The following BBOF1 variants were observed in gnomAD, a reference collection of about 807,000 sequenced individuals.
BBOF1 encodes basal body-orientation factor 1.
Under a neutral mutation model 68.0 loss-of-function variants are expected in BBOF1, and 62 were observed. That is an observed-to-expected ratio of 0.91 (90% confidence interval 0.74 to 1.13). BBOF1 has a LOEUF of 1.13. BBOF1 is among the 50% of genes most tolerant of loss of function. The pLI is 0.00. For synonymous variants in BBOF1, 208 were observed against 198.8 expected, an observed-to-expected ratio of 1.05 and a Z score of -0.39; for missense variants, 534 against 600.1, an observed-to-expected ratio of 0.89 and a Z score of 1.15.
At chr14:74,071,438 T>C (rs1246449149) in intron 9 of BBOF1, 5 of 1,614,060 alleles carry the variant, frequency 3.1e-6, no homozygotes, top group Non-Finnish European at 4.2e-6. Flanking sequence ...TCTTTGGTGA[T>C]GGATGGCATG....
chr14:74,026,095 T>G (rs2059417792), intron 2 of BBOF1, among the ~76,000 whole-genome samples: 1 of 145,162 alleles, frequency 6.9e-6, no homozygotes, highest in Non-Finnish European at 1.5e-5. Flanking sequence ...GAGCCAAGAT[T>G]GTGCCACTGC....
chr14:74,035,080 A>T (rs1447643809), intron 4 of BBOF1, among the ~76,000 whole-genome samples: 2 of 152,078 alleles, frequency 1.3e-5, no homozygotes, highest in African/African-American at 2.4e-5. Context: ...TGACAGTAAG[A>T]CCATGTCTCA....
chr14:74,023,434 A>G (rs1296963226), intron 2 of BBOF1, among the ~76,000 whole-genome samples: 1 of 152,184 alleles, frequency 6.6e-6, no homozygotes, highest in Admixed American at 6.6e-5. Context: ...AGAGCATGGT[A>G]TGTGATCTAT....
intron 2 of BBOF1, among the ~76,000 whole-genome samples, chr14:74,025,065 G>A (rs2059395037): frequency 1.3e-5 from 2 of 152,060 alleles, no homozygotes; most frequent in African/African-American, 4.8e-5. Flanking sequence ...ACAAAACCTG[G>A]CCAATTTTTA....
At chr14:74,045,957 G>A in intron 5 of BBOF1, 103 bp from the exon 6 acceptor site, 1 of 985,046 alleles carries the variant, frequency 1.0e-6, no homozygotes, top group Admixed American at 2.6e-5. Flanking sequence ...TCAGGTCATG[G>A]GGACAGGAGT....
chr14:74,060,575 C>G (rs1384978152), intron 11 of BBOF1: 13 of 1,158,792 alleles, frequency 1.1e-5, no homozygotes, highest in Non-Finnish European at 1.7e-5. Context: ...GCAAAGCTGA[C>G]AAATGAAGCT....
At chr14:74,075,708 A>G (rs1214415224) in intron 9 of BBOF1, among the ~76,000 whole-genome samples, 3 of 152,172 alleles carry the variant, frequency 2.0e-5, no homozygotes, top group African/African-American at 4.8e-5. Context: ...TATATAATCA[A>G]TGTAAATATA....
chr14:74,027,901 G>T (rs1425770697), intron 2 of BBOF1, among the ~76,000 whole-genome samples: 1 of 152,000 alleles, frequency 6.6e-6, no homozygotes, highest in Non-Finnish European at 1.5e-5. Flanking sequence ...CATGATCAAG[G>T]GTTGTATTGT....
intron 3 of BBOF1, among the ~76,000 whole-genome samples, chr14:74,031,341 G>A (rs1385577696): frequency 6.6e-6 from 1 of 152,022 alleles, no homozygotes; most frequent in Non-Finnish European, 1.5e-5. Context: ...TTGAACTCCT[G>A]GCCTTAAGCG....
At chr14:74,047,382 A>G (rs1388928954) in intron 6 of BBOF1, among the ~76,000 whole-genome samples, 2 of 151,746 alleles carry the variant, frequency 1.3e-5, no homozygotes, top group Non-Finnish European at 1.5e-5. Context: ...ACTGCCTTGC[A>G]CTAGAAGTAA....
intron 9 of BBOF1, chr14:74,072,104 T>C: frequency 6.4e-7 from 1 of 1,560,638 alleles, no homozygotes; most frequent in East Asian, 2.2e-5. Flanking sequence ...CGTCTCTGCA[T>C]ACTGCAGAGT....
chr14:74,077,519 G>A (rs2060625040), intron 9 of BBOF1, among the ~76,000 whole-genome samples: 1 of 152,146 alleles, frequency 6.6e-6, no homozygotes, highest in African/African-American at 2.4e-5. Flanking sequence ...GAAGATCAAA[G>A]GGGAAGCAGA....
At chr14:74,064,609 C>A in intron 11 of BBOF1, 79 bp from the exon 12 acceptor site, 1 of 1,400,462 alleles carries the variant, frequency 7.1e-7, no homozygotes, top group East Asian at 2.3e-5. Context: ...CATGCTCTTT[C>A]CTCAAAACTT....
intron 2 of BBOF1, among the ~76,000 whole-genome samples, chr14:74,025,421 A>G (rs962889515): frequency 9.9e-5 from 15 of 152,146 alleles, no homozygotes; most frequent in Non-Finnish European, 2.2e-4. Flanking sequence ...TAGTTTTGTT[A>G]CTCATTTTGC....
intron 5 of BBOF1, among the ~76,000 whole-genome samples, chr14:74,043,617 T>A (rs968401627): frequency 7.3e-6 from 1 of 137,904 alleles, no homozygotes; most frequent in Non-Finnish European, 1.5e-5. Context: ...TAGGTTGGAG[T>A]GCAGTGGCAT....
chr14:74,067,644 CAGGTGTGG>C (rs1314865777), downstream of BBOF1: 37 of 1,508,794 alleles, frequency 2.5e-5, no homozygotes, highest in Non-Finnish European at 3.3e-5. Flanking sequence ...AGCAGTGGAC[CAGGTGTGG>C]TGGCTAATGC....
At chr14:74,078,540 T>A (rs1272228199) in intron 10 of BBOF1, among the ~76,000 whole-genome samples, 1 of 151,778 alleles carries the variant, frequency 6.6e-6, no homozygotes, top group Non-Finnish European at 1.5e-5. Context: ...ATTATTTTAT[T>A]TTTTTGAGAC....
intron 9 of BBOF1, 106 bp downstream of exon 9, chr14:74,055,791 G>A: frequency 6.5e-6 from 5 of 772,624 alleles, no homozygotes; most frequent in African/African-American, 3.5e-5. Context: ...GGACGGGAAA[G>A]GACCAGAAAA....
chr14:74,054,910 C>T (rs1299803915), intron 8 of BBOF1: 1 of 154,004 alleles, frequency 6.5e-6, no homozygotes, highest in Non-Finnish European at 1.4e-5. Flanking sequence ...AACTCCTAAC[C>T]TGTGATCTGC....
Sources: allele counts gnomAD v4.1 joint callset (sites outside exome capture counted in the v4.1 genomes callset), GRCh38; gene constraint gnomAD v4.1.1; transcripts MANE v1.5; gene names NCBI Gene and HGNC (gene_info 2026-07-23, HGNC 2026-07-21).